The following DPP10 variants were observed in gnomAD, a reference collection of about 807,000 sequenced individuals.
The protein encoded by DPP10 is inactive dipeptidyl peptidase 10.
In DPP10, 33 loss-of-function variants were observed where a neutral mutation model predicts 120.9. The ratio of observed to expected loss-of-function variants is 0.27; its 90% CI spans 0.21 to 0.37. The LOEUF is 0.37. Ranked by LOEUF, DPP10 falls within the 10% of genes least tolerant of loss-of-function variation. The pLI, the probability that DPP10 is intolerant of heterozygous loss-of-function variation, is 1.00. For missense variants in DPP10, 816 were observed against 942.8 expected, an observed-to-expected ratio of 0.87 and a Z score of 1.76; for synonymous variants, 337 against 326.1, an observed-to-expected ratio of 1.03 and a Z score of -0.36.
At chr2:115,828,999 A>G (rs1688658513) in intron 21 of DPP10, among the ~76,000 whole-genome samples, 2 of 152,126 alleles carry the variant, frequency 1.3e-5, no homozygotes, top group African/African-American at 4.8e-5. Context: ...TGTTTGAAAT[A>G]TTTCCTCAGC....
chr2:114,582,446 G>T (rs1690610775), intron 1 of DPP10, among the ~76,000 whole-genome samples: 1 of 152,126 alleles, frequency 6.6e-6, no homozygotes, highest in African/African-American at 2.4e-5. Context: ...AACTCATTTT[G>T]TAAATGCCAA....
In DPP10 at chr2:115,727,804, T is replaced by A; in HGVS notation, c.577-12T>A. On this transcript the variant is annotated splice_polypyrimidine_tract_variant and intron_variant, in intron 7 of 25. Transcript: ENST00000410059. ...GTTGGATTTTTTGTTTGTTTCACAT[T>A]TCCTGATCCAGATTTATATTTTTGA... is the stretch of plus-strand genomic sequence containing the variant. 5 of 1,575,114 alleles carry A rather than the reference T, an allele frequency of 3.2e-6. No individual in the cohort carries two copies. The highest frequency in any genetic ancestry group is 4.3e-6 in the Non-Finnish European group (5 of 1,165,434).
At chr2:115,741,977 A>C (rs560544450) in intron 9 of DPP10, among the ~76,000 whole-genome samples, 72 of 152,324 alleles carry the variant, frequency 4.7e-4, no homozygotes, top group Non-Finnish European at 7.8e-4. Context: ...ATGTCTTCTA[A>C]TAAATTAATA....
chr2:114,493,697 T>A (rs1682208274), intron 1 of DPP10, among the ~76,000 whole-genome samples: 1 of 152,144 alleles, frequency 6.6e-6, no homozygotes, highest in Admixed American at 6.6e-5. Flanking sequence ...AAAAATATAA[T>A]GACTGGGTGT....
intron 1 of DPP10, among the ~76,000 whole-genome samples, chr2:114,519,523 C>T (rs1167369085): frequency 2.0e-5 from 3 of 152,212 alleles, no homozygotes; most frequent in Non-Finnish European, 4.4e-5. Context: ...CAGTCCTGCA[C>T]ACCCTGGTAA....
chr2:115,351,732 A>T (rs932033200), intron 3 of DPP10, among the ~76,000 whole-genome samples: 1 of 152,092 alleles, frequency 6.6e-6, no homozygotes, highest in Non-Finnish European at 1.5e-5. Context: ...TACTAAAACT[A>T]AACAAATGCT....
intron 1 of DPP10, among the ~76,000 whole-genome samples, chr2:115,075,726 T>G (rs1707735244): frequency 6.6e-6 from 1 of 151,936 alleles, no homozygotes; most frequent in Non-Finnish European, 1.5e-5. Context: ...TTTTTAATGT[T>G]AGGCAACTCC....
intron 1 of DPP10, among the ~76,000 whole-genome samples, chr2:114,501,341 G>T (rs1008733020): frequency 2.8e-4 from 42 of 152,152 alleles, no homozygotes; most frequent in African/African-American, 8.7e-4. Context: ...AATACTAGTT[G>T]TTTATCATGT....
intron 5 of DPP10, among the ~76,000 whole-genome samples, chr2:115,688,571 A>G (rs1312409331): frequency 6.6e-6 from 1 of 152,196 alleles, no homozygotes; most frequent in Admixed American, 6.6e-5. Flanking sequence ...CTAGCTAAAG[A>G]ACAATTTTCT....
intron 1 of DPP10, among the ~76,000 whole-genome samples, chr2:114,603,398 A>T (rs1178436207): frequency 3.3e-5 from 5 of 152,074 alleles, no homozygotes; most frequent in African/African-American, 1.2e-4. Context: ...TGGGAAAATT[A>T]CTCAACTTGT....
chr2:114,480,602 C>T (rs1463900671), intron 1 of DPP10, among the ~76,000 whole-genome samples: 2 of 149,500 alleles, frequency 1.3e-5, no homozygotes, highest in East Asian at 3.9e-4. Flanking sequence ...CAAACTATCG[C>T]AAGGACAAAA....
chr2:115,032,017 A>G (rs942645718), intron 1 of DPP10, among the ~76,000 whole-genome samples: 4 of 152,200 alleles, frequency 2.6e-5, no homozygotes, highest in African/African-American at 9.6e-5. Flanking sequence ...TTTTTATAAA[A>G]TACTCTAAAA....
intron 1 of DPP10, among the ~76,000 whole-genome samples, chr2:114,797,314 G>A (rs143570276): frequency 9.9e-5 from 15 of 152,222 alleles, no homozygotes; most frequent in Admixed American, 3.3e-4. Flanking sequence ...CTTGTGAGGC[G>A]TGTGATGTAT....
At chr2:114,787,978 T>C (rs2106223153) in intron 1 of DPP10, among the ~76,000 whole-genome samples, 1 of 152,326 alleles carries the variant, frequency 6.6e-6, no homozygotes, top group Middle Eastern at 3.4e-3. Context: ...ATTACTGAAT[T>C]CCAATACAAT....
intron 1 of DPP10, among the ~76,000 whole-genome samples, chr2:114,517,256 C>T (rs1392149225): frequency 1.3e-5 from 2 of 152,178 alleles, no homozygotes; most frequent in African/African-American, 2.4e-5. Context: ...CACAGTGGCT[C>T]ATGCCTGTAA....
intron 1 of DPP10, among the ~76,000 whole-genome samples, chr2:114,460,205 CTATCT>C (rs983139152): frequency 1.1e-4 from 17 of 151,632 alleles, no homozygotes; most frequent in Non-Finnish European, 2.2e-4. Context: ...ATCTATCTAT[CTATCT>C]ATCTATCTAT....
chr2:115,155,999 G>A (rs1559155855), intron 1 of DPP10, among the ~76,000 whole-genome samples: 1 of 152,102 alleles, frequency 6.6e-6, no homozygotes, highest in Non-Finnish European at 1.5e-5. Flanking sequence ...ATGCAGGATA[G>A]AAACTGAGTG....
rs146828906 is a variant in DPP10 at position 114,999,472 on chromosome 2, G to A, written c.61-309767G>A. Among the ~76,000 whole-genome samples, 422 of 152,270 alleles carry A rather than the reference G, an allele frequency of 2.8e-3. 3 individuals carry two copies. Among genetic ancestry groups the A allele is most frequent in the African/African-American group, 9.6e-3 (397 of 41,548 alleles). ...TTCCAACTGAGGTTTCCTTTTGCCT[G>A]TTGTATAAAATCAAGTTCTTACAAC... On this transcript the variant is annotated intron_variant, in intron 1 of 25. Transcript: ENST00000410059.
intron 1 of DPP10, among the ~76,000 whole-genome samples, chr2:115,225,112 G>A (rs2057368606): frequency 6.6e-6 from 1 of 152,176 alleles, no homozygotes; most frequent in African/African-American, 2.4e-5. Context: ...GCATTGGCAA[G>A]TTGCCATTTT....
Sources: allele counts gnomAD v4.1 joint callset (sites outside exome capture counted in the v4.1 genomes callset), GRCh38; gene constraint gnomAD v4.1.1; transcripts MANE v1.5; gene names NCBI Gene and HGNC (gene_info 2026-07-23, HGNC 2026-07-21).